PPP2R5E: variants seen among roughly 807,000 people sequenced by gnomAD.
The protein encoded by PPP2R5E is protein phosphatase 2 regulatory subunit B'epsilon.
PPP2R5E carries 4 observed loss-of-function variants against 65.3 expected under a neutral mutation model. The ratio of observed to expected loss-of-function variants is 0.06; its 90% CI spans 0.03 to 0.14. PPP2R5E has a LOEUF of 0.14. Ranked by LOEUF, PPP2R5E falls within the 10% of genes least tolerant of loss-of-function variation. PPP2R5E has a pLI of 1.00. For missense variants in PPP2R5E, 274 were observed against 556.1 expected (o/e 0.49, Z 5.10); for synonymous variants, 183 against 187.4 (o/e 0.98, Z 0.19).
intron 10 of PPP2R5E, among the ~76,000 whole-genome samples, chr14:63,390,286 C>T (rs191059917): frequency 0.016 from 2,293 of 147,782 alleles, 62 homozygotes; most frequent in African/African-American, 0.057. Context: ...CATGCACTGA[C>T]GCATTCTCGA....
chr14:63,434,444 T>C (rs1051934718), intron 3 of PPP2R5E, among the ~76,000 whole-genome samples: 2 of 152,312 alleles, frequency 1.3e-5, no homozygotes, highest in African/African-American at 4.8e-5. Context: ...CAAGTCATGA[T>C]TTCATCCAGT....
intron 2 of PPP2R5E, among the ~76,000 whole-genome samples, chr14:63,521,329 A>G (rs1047922381): frequency 2.0e-5 from 3 of 152,220 alleles, no homozygotes; most frequent in Non-Finnish European, 4.4e-5. Context: ...AAACTTTCTT[A>G]AAGTGAAATG....
At chr14:63,443,322 T>C (rs930950744) in intron 3 of PPP2R5E, among the ~76,000 whole-genome samples, 2 of 152,188 alleles carry the variant, frequency 1.3e-5, no homozygotes, top group South Asian at 2.1e-4. Context: ...TAAGCAGAGA[T>C]TGAGAATTGA....
chr14:63,451,562 T>G (rs1888823398), intron 3 of PPP2R5E: 1 of 152,272 alleles, frequency 6.6e-6, no homozygotes, highest in South Asian at 2.1e-4. Context: ...TTGAAGGTGG[T>G]GGGTGATGAA....
At chr14:63,405,664 C>T (rs1018272185) in intron 5 of PPP2R5E, among the ~76,000 whole-genome samples, 26 of 152,194 alleles carry the variant, frequency 1.7e-4, no homozygotes, top group Admixed American at 4.6e-4. Context: ...TTGCTAAACT[C>T]TTGCCACAAT....
intron 2 of PPP2R5E, among the ~76,000 whole-genome samples, chr14:63,507,539 A>C (rs1312281176): frequency 2.7e-5 from 4 of 150,184 alleles, no homozygotes; most frequent in African/African-American, 9.8e-5. Context: ...AAAAAAAAAA[A>C]CAAGACTTAA....
intron 3 of PPP2R5E, among the ~76,000 whole-genome samples, chr14:63,430,357 A>ACATACATACATACATACATACATG (rs1887576592): frequency 1.6e-5 from 2 of 128,182 alleles, no homozygotes; most frequent in African/African-American, 7.6e-5. Flanking sequence ...ATACATACAT[A>ACATACATACATACATACATACATG]CATACATACA....
chr14:63,392,048 G>C (rs765201624), intron 8 of PPP2R5E, 23 bp from the exon 9 acceptor site: 6 of 1,570,546 alleles, frequency 3.8e-6, no homozygotes, highest in Non-Finnish European at 5.2e-6. Context: ...TAAAATAAAA[G>C]GCAAAATTTT....
At chr14:63,391,795 C>G in intron 10 of PPP2R5E, 22 bp downstream of exon 10, 1 of 1,608,642 alleles carries the variant, frequency 6.2e-7, no homozygotes, top group Non-Finnish European at 8.5e-7. Context: ...GCTATGAACA[C>G]TCTCTGACAG....
At chr14:63,398,179 C>T (rs1194067630) in intron 5 of PPP2R5E, among the ~76,000 whole-genome samples, 1 of 152,138 alleles carries the variant, frequency 6.6e-6, no homozygotes, top group Non-Finnish European at 1.5e-5. Context: ...CCAGTGAGCA[C>T]AACAGATTCA....
intron 4 of PPP2R5E, among the ~76,000 whole-genome samples, chr14:63,417,642 G>C (rs1168408486): frequency 2.0e-5 from 3 of 152,192 alleles, no homozygotes; most frequent in Non-Finnish European, 4.4e-5. Context: ...ATGTGTGCTT[G>C]AGGGTCAAAA....
chr14:63,389,873 A>T, intron 10 of PPP2R5E, 142 bp from the exon 11 acceptor site: 2 of 917,858 alleles, frequency 2.2e-6, no homozygotes, highest in Non-Finnish European at 3.1e-6. Flanking sequence ...TCATTATCCC[A>T]TGTTAGAAGA....
intron 3 of PPP2R5E, among the ~76,000 whole-genome samples, chr14:63,424,519 A>C (rs1229544329): frequency 6.6e-6 from 1 of 152,204 alleles, no homozygotes; most frequent in Non-Finnish European, 1.5e-5. Context: ...TGAGAGGCCG[A>C]GGCGGGCGGA....
At chr14:63,434,081 C>T (rs548044828) in intron 3 of PPP2R5E, among the ~76,000 whole-genome samples, 1 of 152,246 alleles carries the variant, frequency 6.6e-6, no homozygotes, top group African/African-American at 2.4e-5. Context: ...TAAACATATG[C>T]ATGGGTTCAA....
intron 13 of PPP2R5E, among the ~76,000 whole-genome samples, chr14:63,378,462 AC>A (rs745642382): frequency 2.0e-5 from 3 of 152,168 alleles, no homozygotes; most frequent in Non-Finnish European, 4.4e-5. Context: ...CATCATTAAA[AC>A]ATTCATCATC....
intron 13 of PPP2R5E, among the ~76,000 whole-genome samples, chr14:63,376,377 A>T (rs1883984500): frequency 6.6e-6 from 1 of 152,216 alleles, no homozygotes; most frequent in South Asian, 2.1e-4. Context: ...GATGCTGGAG[A>T]TGACACTGAT....
rs1491135493 is a variant in PPP2R5E, at chr14:63,374,635, A to ATTT, written c.*1373_*1374insAAA. The ATTT allele has an allele frequency of 1.6e-4, 1 of 6,422 alleles. No homozygotes were observed. Among genetic ancestry groups the ATTT allele is most frequent in the African/African-American group, 5.5e-4 (1 of 1,816 alleles). The allele number at this position is 6,422 out of a possible 1,614,324, so 0.4% of individuals were successfully genotyped here. ...AAATACAAAGCAGAGAGCCAATAAG[A>ATTT]TATATATATATATATATATATATAT... On this transcript the variant is annotated 3_prime_UTR_variant, in exon 14 of 14. Coordinates refer to ENST00000337537, the MANE Select transcript of PPP2R5E (RefSeq NM_006246.5).
At chr14:63,392,302 A>G (rs1885069500) in intron 8 of PPP2R5E, among the ~76,000 whole-genome samples, 1 of 152,228 alleles carries the variant, frequency 6.6e-6, no homozygotes, top group African/African-American at 2.4e-5. Context: ...GAGACATCAC[A>G]TTCAGCATAT....
At chr14:63,494,315 C>T (rs935673695) in intron 2 of PPP2R5E, among the ~76,000 whole-genome samples, 5 of 152,016 alleles carry the variant, frequency 3.3e-5, no homozygotes, top group Non-Finnish European at 7.4e-5. Flanking sequence ...CTCACTACAA[C>T]CTCTACCTCC....
Sources: allele counts gnomAD v4.1 joint callset (sites outside exome capture counted in the v4.1 genomes callset), GRCh38; gene constraint gnomAD v4.1.1; transcripts MANE v1.5; gene names NCBI Gene and HGNC (gene_info 2026-07-23, HGNC 2026-07-21).